Variants in INPP4B observed in about 807,000 individuals in gnomAD.
INPP4B encodes inositol polyphosphate 4-phosphatase type II.
In INPP4B, 55 loss-of-function variants were observed where a neutral mutation model predicts 122.5. That is an observed-to-expected ratio of 0.45 (90% CI 0.36 to 0.56). The LOEUF (loss-of-function observed/expected upper bound fraction) is 0.56. Among genes scored for constraint, INPP4B ranks in the 20% least tolerant of loss-of-function variants. The pLI is 0.00. For synonymous variants in INPP4B, 403 were observed against 388.7 expected (o/e 1.04, Z -0.43); for missense variants, 1,000 against 1,097.7 (o/e 0.91, Z 1.26).
intron 7 of INPP4B, among the ~76,000 whole-genome samples, chr4:142,343,967 C>T (rs2627838): frequency 0.02 from 2,999 of 152,126 alleles, 37 homozygotes; most frequent in Non-Finnish European, 0.031. Context: ...AAATAGCTCA[C>T]TAAGTATCAC....
chr4:142,400,658 A>G (rs1328292279), intron 7 of INPP4B, among the ~76,000 whole-genome samples: 2 of 152,190 alleles, frequency 1.3e-5, no homozygotes, highest in African/African-American at 2.4e-5. Context: ...AGTGCTTGAT[A>G]AATGCAATCT....
In INPP4B at chr4:142,526,960, T is replaced by C. The variant is rs1042040992; in HGVS notation, c.-190-64234A>G. ...TAGACAGATAATGCTGTCTGTGATGTGAAATTATGATTCTTCACAATACAA... is the reference window on the plus strand; with the variant it reads ...TAGACAGATAATGCTGTCTGTGATGCGAAATTATGATTCTTCACAATACAA... On this transcript the variant is annotated intron_variant, in intron 2 of 25. Coordinates refer to ENST00000262992, the MANE Select transcript of INPP4B (RefSeq NM_001101669.3). Among the ~76,000 whole-genome samples the C allele has an allele frequency of 1.5e-4, 23 of 152,088 alleles. 1 individual carries two copies. Among genetic ancestry groups the C allele is most frequent in the Admixed American group, 1.4e-3 (22 of 15,220 alleles).
At chr4:142,692,976 C>T (rs1477754492) in intron 2 of INPP4B, among the ~76,000 whole-genome samples, 1 of 130,338 alleles carries the variant, frequency 7.7e-6, no homozygotes, top group Non-Finnish European at 1.7e-5. Flanking sequence ...CAGACAGACA[C>T]ATACATAGTA....
chr4:142,053,887 C>T (rs554810185), intron 25 of INPP4B, among the ~76,000 whole-genome samples: 1 of 152,090 alleles, frequency 6.6e-6, no homozygotes, highest in African/African-American at 2.4e-5. Flanking sequence ...TTGAATATAT[C>T]ATTCTTGCTC....
At chr4:142,061,060 C>T (rs1355425) in intron 25 of INPP4B, among the ~76,000 whole-genome samples, 130,291 of 152,166 alleles carry the variant, frequency 0.86, 58,607 homozygotes, top group Non-Finnish European at 0.98. Flanking sequence ...ACACAGAAAC[C>T]GTATTCCAAT....
chr4:142,524,313 C>A (rs1826533392), intron 2 of INPP4B, among the ~76,000 whole-genome samples: 1 of 152,172 alleles, frequency 6.6e-6, no homozygotes, highest in East Asian at 1.9e-4. Flanking sequence ...TCCTCTCCAG[C>A]ACCTGTTGTT....
At chr4:142,208,615 T>G (rs557038375) in intron 13 of INPP4B, 86 bp from the exon 14 acceptor site, 41 of 691,714 alleles carry the variant, frequency 5.9e-5, no homozygotes, top group Admixed American at 3.0e-4. Flanking sequence ...AGAAAAATGT[T>G]AAAATAACTT....
intron 11 of INPP4B, among the ~76,000 whole-genome samples, chr4:142,249,571 A>G (rs768063580): frequency 1.3e-5 from 2 of 152,184 alleles, no homozygotes; most frequent in African/African-American, 2.4e-5. Flanking sequence ...CAATGCAAAC[A>G]CTAACCTATG....
chr4:142,076,754 TA>T (rs1335914036), intron 25 of INPP4B, among the ~76,000 whole-genome samples: 2 of 151,944 alleles, frequency 1.3e-5, no homozygotes, highest in Non-Finnish European at 2.9e-5. Flanking sequence ...TAATAAAATT[TA>T]AAAAAATAGC....
In INPP4B at chr4:142,151,134, T is replaced by C. The variant is rs564450723; in HGVS notation, c.1564-5138A>G. Among the ~76,000 whole-genome samples the C allele has an allele frequency of 2.0e-4, 30 of 152,336 alleles. No individual in the cohort carries two copies. In the South Asian group the frequency reaches 5.0e-3, roughly 25 times the overall value. Reference sequence around the variant, plus strand: ...TATGCTCTATACTGGCCAAGGTCTGTAATACTGCAAACCTTTATTCTTTCA... The same window carrying C: ...TATGCTCTATACTGGCCAAGGTCTGCAATACTGCAAACCTTTATTCTTTCA... On this transcript the variant is annotated intron_variant, in intron 17 of 25. Coordinates refer to ENST00000262992, the MANE Select transcript of INPP4B (RefSeq NM_001101669.3).
intron 5 of INPP4B, among the ~76,000 whole-genome samples, chr4:142,409,271 T>A (rs1241298570): frequency 6.6e-6 from 1 of 152,172 alleles, no homozygotes; most frequent in Non-Finnish European, 1.5e-5. Flanking sequence ...GGAGGGCAGA[T>A]TGCTTGAGGT....
At chr4:142,629,700 T>C (rs1747494797) in intron 2 of INPP4B, among the ~76,000 whole-genome samples, 1 of 152,018 alleles carries the variant, frequency 6.6e-6, no homozygotes, top group Non-Finnish European at 1.5e-5. Context: ...TGACAAGAAT[T>C]AAGGTGTGAG....
intron 12 of INPP4B, among the ~76,000 whole-genome samples, chr4:142,212,166 A>G (rs1299422640): frequency 6.6e-6 from 1 of 152,132 alleles, no homozygotes; most frequent in Non-Finnish European, 1.5e-5. Flanking sequence ...CCGATAGCAT[A>G]CAAAACAAGA....
chr4:142,452,217 A>C (rs540447319), intron 3 of INPP4B, among the ~76,000 whole-genome samples: 1 of 152,136 alleles, frequency 6.6e-6, no homozygotes, highest in Non-Finnish European at 1.5e-5. Context: ...TCCATGTTCC[A>C]GCAAAGGACA....
At chr4:142,566,634 G>A (rs192883003) in intron 2 of INPP4B, among the ~76,000 whole-genome samples, 44 of 152,302 alleles carry the variant, frequency 2.9e-4, no homozygotes, top group Admixed American at 1.4e-3. Flanking sequence ...TGCCTTTGAT[G>A]TGACACTTGG....
At chr4:142,796,392 A>T (rs1777235138) in intron 1 of INPP4B, among the ~76,000 whole-genome samples, 1 of 152,006 alleles carries the variant, frequency 6.6e-6, no homozygotes, top group South Asian at 2.1e-4. Flanking sequence ...AATTCTTAAC[A>T]GGGAGAAAGT....
intron 3 of INPP4B, among the ~76,000 whole-genome samples, chr4:142,456,161 G>C (rs991968008): frequency 1.5e-4 from 22 of 148,832 alleles, no homozygotes; most frequent in African/African-American, 5.2e-4. Context: ...AACTTGATGT[G>C]ATCCAATTTG....
chr4:142,087,029 C>A (rs1224194723), intron 23 of INPP4B, among the ~76,000 whole-genome samples: 1 of 152,124 alleles, frequency 6.6e-6, no homozygotes, highest in Non-Finnish European at 1.5e-5. Context: ...AGCAAGTGTC[C>A]TTGAACTCAG....
intron 9 of INPP4B, among the ~76,000 whole-genome samples, chr4:142,294,960 G>A (rs1403424084): frequency 2.0e-5 from 3 of 151,750 alleles, no homozygotes; most frequent in Non-Finnish European, 1.5e-5. Context: ...TGTGGGGAAG[G>A]GAAAGAGGAC....
Sources: allele counts gnomAD v4.1 joint callset (sites outside exome capture counted in the v4.1 genomes callset), GRCh38; gene constraint gnomAD v4.1.1; transcripts MANE v1.5; gene names NCBI Gene and HGNC (gene_info 2026-07-23, HGNC 2026-07-21).